NEK11: variants seen among roughly 807,000 people sequenced by gnomAD.
The protein encoded by NEK11 is serine/threonine-protein kinase Nek11.
In NEK11, 72 loss-of-function variants were observed where a neutral mutation model predicts 80.7. The observed-to-expected ratio is 0.89, with a 90% CI of 0.74 to 1.08. The LOEUF is 1.08. Ranked by LOEUF, NEK11 falls within the 50% of genes least tolerant of loss-of-function variation. The pLI is 0.00. For missense variants in NEK11, 764 were observed against 763.6 expected (o/e 1.00, Z -0.01); for synonymous variants, 251 against 260.7 (o/e 0.96, Z 0.36).
intron 14 of NEK11, among the ~76,000 whole-genome samples, chr3:131,214,798 A>C: frequency 6.6e-6 from 1 of 151,818 alleles, no homozygotes; most frequent in Non-Finnish European, 1.5e-5. Flanking sequence ...TTACAGCAGA[A>C]CCTGCTGTCC....
At chr3:131,041,419 GT>G (rs2066446985) in intron 3 of NEK11, among the ~76,000 whole-genome samples, 1 of 152,092 alleles carries the variant, frequency 6.6e-6, no homozygotes, top group African/African-American at 2.4e-5. Context: ...TATTCAAAAG[GT>G]TTTGAAAACT....
intron 17 of NEK11, among the ~76,000 whole-genome samples, chr3:131,290,077 A>G (rs2096527949): frequency 6.6e-6 from 1 of 152,216 alleles, no homozygotes; most frequent in Admixed American, 6.5e-5. Context: ...CTCATTATCC[A>G]GGTCTCTGAA....
At chr3:131,295,527 AGGCT>A (rs1207392040) in intron 17 of NEK11, among the ~76,000 whole-genome samples, 3 of 152,196 alleles carry the variant, frequency 2.0e-5, no homozygotes, top group Non-Finnish European at 1.5e-5. Context: ...TCATATTGTG[AGGCT>A]GTAATTTTGT....
chr3:131,336,532 T>C (rs948390331), intron 17 of NEK11, among the ~76,000 whole-genome samples: 14 of 152,050 alleles, frequency 9.2e-5, no homozygotes, highest in Non-Finnish European at 1.6e-4. Flanking sequence ...AAAACCTAGG[T>C]ATTACCATTC....
intron 14 of NEK11, 77 bp downstream of exon 14, chr3:131,170,964 C>A: frequency 1.0e-6 from 1 of 974,982 alleles, no homozygotes; most frequent in Non-Finnish European, 1.7e-6. Flanking sequence ...TGCAGTGGGT[C>A]TGTCTGGCCT....
At chr3:131,318,662 G>A (rs925813216) in intron 17 of NEK11, among the ~76,000 whole-genome samples, 2 of 151,552 alleles carry the variant, frequency 1.3e-5, no homozygotes, top group Non-Finnish European at 2.9e-5. Flanking sequence ...ATTGTTAACC[G>A]AGAAAAGGAA....
At chr3:131,134,042 A>G in intron 7 of NEK11, 86 bp downstream of exon 7, 1 of 1,171,284 alleles carries the variant, frequency 8.5e-7, no homozygotes, top group Non-Finnish European at 1.2e-6. Flanking sequence ...CTTACTGCAT[A>G]CATTCACTTT....
chr3:131,346,657 G>T (rs1048186107), intron 17 of NEK11, among the ~76,000 whole-genome samples: 2 of 152,272 alleles, frequency 1.3e-5, no homozygotes, highest in Middle Eastern at 3.4e-3. Context: ...CTGTGAGGAG[G>T]TAGGTGAGGA....
In NEK11 at chr3:131,103,567, C is replaced by T. The variant is rs537884222; in HGVS notation, c.337-6236C>T. Among the ~76,000 whole-genome samples, 200 of 152,298 alleles carry T rather than the reference C, an allele frequency of 1.3e-3. 2 individuals carry two copies. Among genetic ancestry groups the T allele is most frequent in the Non-Finnish European group, 2.2e-3 (148 of 68,014 alleles). Reference sequence around the variant, plus strand: ...CCACTTGCAAGCTTGCTCTGTGGTGCAGTGGCAAGAGAGGTGACCCCTTCA... The same window carrying T: ...CCACTTGCAAGCTTGCTCTGTGGTGTAGTGGCAAGAGAGGTGACCCCTTCA... On this transcript the variant is annotated intron_variant, in intron 4 of 17. Transcript: ENST00000383366.
intron 17 of NEK11, among the ~76,000 whole-genome samples, chr3:131,288,517 A>G (rs1250933489): frequency 7.5e-6 from 1 of 133,378 alleles, no homozygotes; most frequent in Non-Finnish European, 1.5e-5. Context: ...CAATGGGGTG[A>G]TCTAGGCTCA....
At chr3:131,193,453 A>T (rs773645249) in intron 14 of NEK11, among the ~76,000 whole-genome samples, 1 of 152,200 alleles carries the variant, frequency 6.6e-6, no homozygotes, top group Non-Finnish European at 1.5e-5. Context: ...AAGAGCTAGC[A>T]TTAAATATTA....
chr3:131,097,231 G>A (rs542012292), intron 4 of NEK11, among the ~76,000 whole-genome samples: 11 of 151,520 alleles, frequency 7.3e-5, no homozygotes, highest in African/African-American at 2.7e-4. Context: ...ATGATTTATA[G>A]TCCTTTGGGT....
intron 4 of NEK11, among the ~76,000 whole-genome samples, chr3:131,096,779 C>T (rs1054638041): frequency 6.6e-6 from 1 of 151,538 alleles, no homozygotes; most frequent in Non-Finnish European, 1.5e-5. Flanking sequence ...TACATGTGCA[C>T]AATGTGCAGG....
intron 5 of NEK11, among the ~76,000 whole-genome samples, chr3:131,129,254 C>T (rs2083961950): frequency 6.6e-6 from 1 of 152,044 alleles, no homozygotes; most frequent in Non-Finnish European, 1.5e-5. Flanking sequence ...TGGGGTTTCA[C>T]CACGTTAGCC....
At chr3:131,132,372 T>C (rs1486296781) in intron 5 of NEK11, among the ~76,000 whole-genome samples, 2 of 152,062 alleles carry the variant, frequency 1.3e-5, no homozygotes, top group Non-Finnish European at 2.9e-5. Flanking sequence ...TTCACAAGTA[T>C]ATAAAACTTG....
At chr3:131,091,922 GA>G (rs2076791927) in intron 4 of NEK11, among the ~76,000 whole-genome samples, 2 of 152,192 alleles carry the variant, frequency 1.3e-5, no homozygotes, top group South Asian at 4.1e-4. Flanking sequence ...GAAATCATTT[GA>G]TTAGCTATAG....
At chr3:131,204,227 G>A (rs1004517334) in intron 14 of NEK11, among the ~76,000 whole-genome samples, 1 of 152,108 alleles carries the variant, frequency 6.6e-6, no homozygotes, top group African/African-American at 2.4e-5. Context: ...GAAGGGCATG[G>A]ATGCTCCATG....
chr3:131,274,694 C>T lies in NEK11; in HGVS notation c.1718+1120C>T, dbSNP rs1408638864. 9.9e-3 allele frequency among the ~76,000 whole-genome samples: 1,300 copies of T among 130,974 alleles called. 21 individuals are homozygous for T. Among genetic ancestry groups the T allele is most frequent in the African/African-American group, 0.036 (1,208 of 33,498 alleles). 85.9% of individuals were successfully genotyped at this position (130,974 alleles called of 152,430 possible). On this transcript the variant is annotated intron_variant, in intron 17 of 17. Coordinates refer to ENST00000383366, the MANE Select transcript of NEK11 (RefSeq NM_024800.5). ...CGGAGTCTCGCTCTGTCGCCCAGGC[C>T]GGACTGCGGACTGCAGTGGCGCAAT...
At chr3:131,221,544 C>A (rs1471296685) in intron 14 of NEK11, among the ~76,000 whole-genome samples, 1 of 152,180 alleles carries the variant, frequency 6.6e-6, no homozygotes, top group African/African-American at 2.4e-5. Flanking sequence ...TGGTTAAAAC[C>A]ATCTGGGATG....
Sources: allele counts gnomAD v4.1 joint callset (sites outside exome capture counted in the v4.1 genomes callset), GRCh38; gene constraint gnomAD v4.1.1; transcripts MANE v1.5; gene names NCBI Gene and HGNC (gene_info 2026-07-23, HGNC 2026-07-21).